The following KIAA1217 variants were observed in gnomAD, a reference collection of about 807,000 sequenced individuals.
The protein encoded by KIAA1217 is sickle tail protein homolog.
Under a neutral mutation model 163.9 loss-of-function variants are expected in KIAA1217, and 88 were observed. The observed-to-expected ratio is 0.54, with a 90% CI of 0.45 to 0.64. KIAA1217 has a LOEUF of 0.64. Ranked by LOEUF, KIAA1217 falls within the 30% of genes least tolerant of loss-of-function variation. The pLI, the probability that KIAA1217 is intolerant of heterozygous loss-of-function variation, is 0.00. For missense variants in KIAA1217, 2,372 were observed against 2,475.0 expected (o/e 0.96, Z 0.88); for synonymous variants, 903 against 923.1 (o/e 0.98, Z 0.39).
At position 24,319,015 on chromosome 10, in the gene KIAA1217, G is replaced by A. The variant is rs148928736; in HGVS notation, c.355-61854G>A. The stretch of plus-strand genomic sequence containing the variant: ...TAGTCATGGGAGTGGATGAGTTCAG[G>A]TGGAGGGCACAGGAGGTGGAGACAG... On this transcript the variant is annotated intron_variant, in intron 2 of 20. Coordinates refer to ENST00000376454, the MANE Select transcript of KIAA1217 (RefSeq NM_019590.5). Among the ~76,000 whole-genome samples the A allele has an allele frequency of 4.9e-4, 75 of 152,312 alleles. No homozygotes were observed. The South Asian group carries it at 0.011, about 21-fold the overall frequency.
intron 2 of KIAA1217, among the ~76,000 whole-genome samples, chr10:24,098,091 A>C (rs1490312552): frequency 2.0e-5 from 3 of 152,116 alleles, no homozygotes; most frequent in African/African-American, 7.2e-5. Context: ...GCTTGTGAGC[A>C]TGTGGGTTAT....
intron 1 of KIAA1217, among the ~76,000 whole-genome samples, chr10:23,823,924 AG>A (rs1352748320): frequency 6.6e-6 from 1 of 151,366 alleles, no homozygotes; most frequent in African/African-American, 2.4e-5. Flanking sequence ...GAGGAAGAAG[AG>A]AGGGGGGGAA....
At chr10:24,253,054 G>A (rs1051947537) in intron 2 of KIAA1217, among the ~76,000 whole-genome samples, 1 of 151,924 alleles carries the variant, frequency 6.6e-6, no homozygotes, top group African/African-American at 2.4e-5. Flanking sequence ...GCAAACAGCC[G>A]GGCAAAGAGT....
intron 10 of KIAA1217, among the ~76,000 whole-genome samples, chr10:24,517,664 A>G (rs1380205971): frequency 6.6e-6 from 1 of 152,160 alleles, no homozygotes; most frequent in East Asian, 1.9e-4. Flanking sequence ...CTGGTGAGCC[A>G]TTCAGAAGGC....
At chr10:24,311,525 C>T (rs964269220) in intron 2 of KIAA1217, among the ~76,000 whole-genome samples, 7 of 152,178 alleles carry the variant, frequency 4.6e-5, no homozygotes, top group Admixed American at 6.5e-5. Context: ...GAGTAATGAC[C>T]GAGCAGCTAT....
chr10:23,906,255 C>CAA (rs1842159567), intron 1 of KIAA1217, among the ~76,000 whole-genome samples: 1 of 85,592 alleles, frequency 1.2e-5, no homozygotes, highest in Non-Finnish European at 2.7e-5. Context: ...CCATAGGAAG[C>CAA]ACACACACAC....
intron 2 of KIAA1217, among the ~76,000 whole-genome samples, chr10:24,372,941 A>C (rs555857888): frequency 6.6e-6 from 1 of 152,184 alleles, no homozygotes; most frequent in Non-Finnish European, 1.5e-5. Context: ...AATCAAACCA[A>C]TCTATCCTGG....
intron 1 of KIAA1217, among the ~76,000 whole-genome samples, chr10:23,823,078 C>A (rs146940626): frequency 2.7e-3 from 408 of 152,266 alleles, no homozygotes; most frequent in African/African-American, 7.7e-3. Flanking sequence ...ATGTCTTAAG[C>A]ATGCTTCACC....
chr10:24,491,273 CTT>C (rs797002022), intron 6 of KIAA1217, among the ~76,000 whole-genome samples: 51 of 120,514 alleles, frequency 4.2e-4, no homozygotes, highest in Non-Finnish European at 7.1e-4. Flanking sequence ...TGCTTTGTTT[CTT>C]TTTTTTTTTC....
intron 1 of KIAA1217, among the ~76,000 whole-genome samples, chr10:23,807,471 G>T (rs1229235192): frequency 7.2e-5 from 11 of 152,226 alleles, no homozygotes; most frequent in Non-Finnish European, 1.6e-4. Context: ...GTGTGGAGTG[G>T]GGGGATTAAG....
chr10:23,856,702 A>G (rs768327747), intron 1 of KIAA1217, among the ~76,000 whole-genome samples: 1 of 152,210 alleles, frequency 6.6e-6, no homozygotes, highest in Non-Finnish European at 1.5e-5. Flanking sequence ...ACCTAAGCAA[A>G]CCTGGGCAAT....
At chr10:23,867,354 G>A (rs563045176) in intron 1 of KIAA1217, among the ~76,000 whole-genome samples, 131 of 151,810 alleles carry the variant, frequency 8.6e-4, no homozygotes, top group Middle Eastern at 3.4e-3. Flanking sequence ...ATAGTCCTTT[G>A]GGTATATACC....
intron 2 of KIAA1217, among the ~76,000 whole-genome samples, chr10:24,227,571 T>C (rs1473331290): frequency 2.7e-5 from 4 of 148,340 alleles, no homozygotes; most frequent in East Asian, 2.1e-4. Context: ...CTTGCTCTGT[T>C]GCCCAGGCTG....
intron 2 of KIAA1217, among the ~76,000 whole-genome samples, chr10:24,342,957 G>A (rs528455152): frequency 9.9e-5 from 15 of 152,114 alleles, no homozygotes; most frequent in Admixed American, 7.9e-4. Context: ...GCACCCGGCC[G>A]ACTCAGTTTT....
At chr10:24,276,101 G>A (rs947482923) in intron 2 of KIAA1217, among the ~76,000 whole-genome samples, 17 of 152,228 alleles carry the variant, frequency 1.1e-4, no homozygotes, top group African/African-American at 4.1e-4. Flanking sequence ...CAGTTTTGTC[G>A]TTATTTAGTG....
intron 2 of KIAA1217, among the ~76,000 whole-genome samples, chr10:24,085,017 C>T (rs534145826): frequency 6.6e-6 from 1 of 151,328 alleles, no homozygotes; most frequent in Non-Finnish European, 1.5e-5. Context: ...GGGTTCACGC[C>T]ATTCTCCTGC....
At chr10:24,432,184 C>T (rs1228393325) in intron 3 of KIAA1217, among the ~76,000 whole-genome samples, 2 of 140,022 alleles carry the variant, frequency 1.4e-5, no homozygotes, top group Non-Finnish European at 1.5e-5. Flanking sequence ...AGTGCAGTGG[C>T]GTGATCTCAG....
chr10:24,544,552 A>C, intron 19 of KIAA1217, 71 bp downstream of exon 19: 1 of 1,515,234 alleles, frequency 6.6e-7, no homozygotes, highest in South Asian at 1.3e-5. Flanking sequence ...CCATTAGTGA[A>C]AGGTGTCTTG....
At chr10:23,927,841 C>T (rs1012988414) in intron 1 of KIAA1217, among the ~76,000 whole-genome samples, 4 of 151,996 alleles carry the variant, frequency 2.6e-5, no homozygotes, top group African/African-American at 4.8e-5. Context: ...AACTAGTGCG[C>T]GATAAACCAA....
Sources: gnomAD v4.1 joint callset for allele counts (sites outside exome capture counted in the v4.1 genomes callset) on GRCh38, gnomAD v4.1.1 for gene constraint, MANE v1.5 for transcripts, NCBI Gene and HGNC (gene_info 2026-07-23, HGNC 2026-07-21) for gene names.